The following NFILZ variants were observed in gnomAD, a reference collection of about 807,000 sequenced individuals.
NFILZ encodes NFIL3 like protein.
chr19:8,673,154 G>A (rs1301795162), intron 3 of NFILZ, among the ~76,000 whole-genome samples: 7 of 151,982 alleles, frequency 4.6e-5, no homozygotes, highest in Admixed American at 2.6e-4. Flanking sequence ...AGTTGGTGGC[G>A]GTACTCACAT....
chr19:8,652,985 TTCCTTCCTTCCTTCCTTC>T (rs2042972702), intron 3 of NFILZ, among the ~76,000 whole-genome samples: 26 of 46,000 alleles, frequency 5.7e-4, no homozygotes, highest in African/African-American at 3.0e-3. Context: ...CCTTCCTTCC[TTCCTTCCTTCCTTCCTTC>T]CTTCCTTCCT....
chr19:8,662,279 G>C (rs1440485513), intron 3 of NFILZ, among the ~76,000 whole-genome samples: 1 of 151,964 alleles, frequency 6.6e-6, no homozygotes, highest in Non-Finnish European at 1.5e-5. Context: ...AGGAGAGAAA[G>C]TGAGTGTGTA....
chr19:8,646,098 G>A (rs529980534), intron 3 of NFILZ, among the ~76,000 whole-genome samples: 2 of 151,790 alleles, frequency 1.3e-5, no homozygotes, highest in East Asian at 1.9e-4. Flanking sequence ...GTCCAGTGGC[G>A]CGATCTCGGC....
At chr19:8,641,534 A>G (rs527522059) in intron 3 of NFILZ, among the ~76,000 whole-genome samples, 1 of 152,320 alleles carries the variant, frequency 6.6e-6, no homozygotes, top group Non-Finnish European at 1.5e-5. Context: ...GCCCATTCCA[A>G]TTCTGGGTTC....
At chr19:8,645,648 A>G (rs1216557883) in intron 3 of NFILZ, among the ~76,000 whole-genome samples, 1 of 152,172 alleles carries the variant, frequency 6.6e-6, no homozygotes, top group Non-Finnish European at 1.5e-5. Context: ...AGCAATTGAA[A>G]GAGACCCTCG....
At chr19:8,663,728 G>GTGTGTGTGTGTGTGTGTGTA (rs2043045041) in intron 3 of NFILZ, among the ~76,000 whole-genome samples, 1 of 74,208 alleles carries the variant, frequency 1.3e-5, no homozygotes, top group African/African-American at 5.6e-5. Flanking sequence ...GTGTTTGTGT[G>GTGTGTGTGTGTGTGTGTGTA]TGTGTGTGTG....
chr19:8,633,565 T>C (rs2042880172), intron 2 of NFILZ, among the ~76,000 whole-genome samples: 1 of 152,102 alleles, frequency 6.6e-6, no homozygotes, highest in African/African-American at 2.4e-5. Flanking sequence ...GAGGGCCAGC[T>C]CCTTTCCCTC....
At chr19:8,662,666 CT>C (rs1309350124) in intron 3 of NFILZ, among the ~76,000 whole-genome samples, 10 of 146,072 alleles carry the variant, frequency 6.8e-5, no homozygotes, top group Non-Finnish European at 1.0e-4. Context: ...GAGATGGAGT[CT>C]TTCTCTGTTG....
At chr19:8,643,001 G>A (rs1431202234) in intron 3 of NFILZ, among the ~76,000 whole-genome samples, 1 of 149,728 alleles carries the variant, frequency 6.7e-6, no homozygotes, top group Non-Finnish European at 1.5e-5. Flanking sequence ...CCAGGCTGGA[G>A]TGCAGTGGTG....
intron 3 of NFILZ, among the ~76,000 whole-genome samples, chr19:8,663,833 TG>T (rs1173324049): frequency 6.8e-6 from 1 of 147,374 alleles, no homozygotes; most frequent in African/African-American, 2.5e-5. Context: ...CCACCTGCTC[TG>T]GGGGATGTAG....
rs559999965 is a variant in NFILZ at position 8,643,827 on chromosome 19, A to G, written c.-164+8081A>G. Among the ~76,000 whole-genome samples, 7 of 152,234 alleles carry G rather than the reference A, an allele frequency of 4.6e-5. 1 individual carries two copies. The highest frequency in any genetic ancestry group is 1.7e-4 in the African/African-American group (7 of 41,510). On this transcript the variant is annotated intron_variant, in intron 3 of 5. Transcript: ENST00000691075. ...AGCCCTGTAATTATATAATCCTTAT[A>G]ATAAATCTCACCCTGGATCTCTCTA...
intron 3 of NFILZ, among the ~76,000 whole-genome samples, chr19:8,656,427 C>CCT (rs1329893353): frequency 9.7e-4 from 32 of 32,946 alleles, no homozygotes; most frequent in East Asian, 2.0e-3. Flanking sequence ...CACCTCTTTC[C>CCT]GCAGCCCACC....
intron 3 of NFILZ, among the ~76,000 whole-genome samples, chr19:8,646,390 A>G (rs2042939373): frequency 6.6e-6 from 1 of 152,112 alleles, no homozygotes; most frequent in Non-Finnish European, 1.5e-5. Flanking sequence ...GCTGGGGCGC[A>G]GAGAGGTTAA....
intron 3 of NFILZ, among the ~76,000 whole-genome samples, chr19:8,671,857 A>G (rs1169028113): frequency 6.6e-6 from 1 of 152,136 alleles, no homozygotes; most frequent in East Asian, 1.9e-4. Flanking sequence ...GGAATGTGGC[A>G]GGGGAATTCT....
chr19:8,664,865 T>A (rs1443820480), intron 3 of NFILZ, among the ~76,000 whole-genome samples: 1 of 152,064 alleles, frequency 6.6e-6, no homozygotes, highest in Non-Finnish European at 1.5e-5. Context: ...AGAAGTAGTC[T>A]CCAACTCCCT....
chr19:8,656,336 T>C (rs374490686), intron 3 of NFILZ, among the ~76,000 whole-genome samples: 6,159 of 42,568 alleles, frequency 0.14, 735 homozygotes, highest in East Asian at 0.22. Context: ...GCCCCCTTCT[T>C]CCTGAAGCCC....
intron 3 of NFILZ, among the ~76,000 whole-genome samples, chr19:8,643,954 C>T (rs189559374): frequency 2.6e-5 from 4 of 152,210 alleles, no homozygotes; most frequent in African/African-American, 4.8e-5. Flanking sequence ...TCCATTTCTT[C>T]GTTTATTGTG....
At chr19:8,646,975 C>T (rs1031188523) in intron 3 of NFILZ, among the ~76,000 whole-genome samples, 4 of 152,156 alleles carry the variant, frequency 2.6e-5, no homozygotes, top group Non-Finnish European at 5.9e-5. Context: ...GCTGTGTGAC[C>T]TTGGGCGGAT....
At chr19:8,656,287 C>T (rs1261080220) in intron 3 of NFILZ, among the ~76,000 whole-genome samples, 2,113 of 13,252 alleles carry the variant, frequency 0.16, 393 homozygotes, top group African/African-American at 0.22. Flanking sequence ...ACCTTCTCCC[C>T]ACAGCCCACC....
Sources: allele counts gnomAD v4.1 joint callset (sites outside exome capture counted in the v4.1 genomes callset), GRCh38; gene constraint gnomAD v4.1.1; transcripts MANE v1.5; gene names NCBI Gene and HGNC (gene_info 2026-07-23, HGNC 2026-07-21).